MORC1: variants seen among roughly 807,000 people sequenced by gnomAD.
MORC1 encodes the protein MORC family CW-type zinc finger 1, also known as MORC family CW-type zinc finger protein 1.
A neutral mutation model predicts 134.9 loss-of-function variants in MORC1; 59 were observed. The observed-to-expected ratio is 0.44, with a 90% CI of 0.35 to 0.54. The LOEUF is 0.54. MORC1 is among the 20% of genes least tolerant of loss of function. The probability of loss-of-function intolerance (pLI) is 0.00; values close to 1 mark genes in which losing one functional copy is unlikely to be tolerated. For synonymous variants in MORC1, 395 were observed against 391.7 expected (o/e 1.01, Z -0.10); for missense variants, 947 against 1,134.5 (o/e 0.83, Z 2.37).
intron 6 of MORC1, among the ~76,000 whole-genome samples, chr3:109,097,628 A>C (rs1482325426): frequency 6.6e-6 from 1 of 152,216 alleles, no homozygotes; most frequent in Non-Finnish European, 1.5e-5. Flanking sequence ...AGCCCTGAGC[A>C]GACTTCATCA....
intron 2 of MORC1, 143 bp from the exon 3 acceptor site, chr3:109,110,926 TATATC>T: frequency 1.8e-6 from 1 of 554,304 alleles, no homozygotes; most frequent in Non-Finnish European, 3.1e-6. Flanking sequence ...ACCGTGCTAT[TATATC>T]ATAAGACCTA....
At chr3:109,056,888 T>C (rs895068464) in intron 13 of MORC1, among the ~76,000 whole-genome samples, 1 of 152,190 alleles carries the variant, frequency 6.6e-6, no homozygotes, top group Non-Finnish European at 1.5e-5. Flanking sequence ...AAGAATGTAT[T>C]ACGCTAAAAT....
intron 20 of MORC1, among the ~76,000 whole-genome samples, chr3:109,001,127 TTTC>T (rs1948391778): frequency 6.6e-6 from 1 of 152,132 alleles, no homozygotes; most frequent in Non-Finnish European, 1.5e-5. Flanking sequence ...TTAGCTTATC[TTTC>T]TTTTTATTTT....
At chr3:109,040,435 A>AGGAAGGAAG (rs1949498275) in intron 14 of MORC1, among the ~76,000 whole-genome samples, 1 of 35,006 alleles carries the variant, frequency 2.9e-5, no homozygotes, top group Non-Finnish European at 7.6e-5. Flanking sequence ...AAGGAAAGAA[A>AGGAAGGAAG]GAAAGAAAGA....
intron 14 of MORC1, among the ~76,000 whole-genome samples, chr3:109,050,839 G>A (rs1166778040): frequency 6.6e-6 from 1 of 152,142 alleles, no homozygotes; most frequent in Non-Finnish European, 1.5e-5. Context: ...CAGTGAGAGT[G>A]AGCGGATTAA....
intron 21 of MORC1, among the ~76,000 whole-genome samples, chr3:108,996,188 C>G (rs1948201126): frequency 6.6e-6 from 1 of 152,004 alleles, no homozygotes. Context: ...GATGGAAGAA[C>G]AGTACCTGAA....
intron 21 of MORC1, among the ~76,000 whole-genome samples, chr3:108,990,170 T>C (rs886687857): frequency 4.6e-4 from 70 of 152,204 alleles, no homozygotes; most frequent in African/African-American, 1.7e-3. Context: ...GTCTCAGGTA[T>C]TTCTTCATAG....
chr3:109,070,688 T>C lies in MORC1; in HGVS notation c.690-931A>G, dbSNP rs17304533. Among the ~76,000 whole-genome samples, 452 of 150,570 alleles carry C rather than the reference T, an allele frequency of 3.0e-3. 1 individual carries two copies. The highest frequency in any genetic ancestry group is 4.5e-3 in the Non-Finnish European group (306 of 67,692). ...ACAAAGATGATGGGAAAAAAAAAAATGTGAAGCCCGTCTAAAGGGGAACTA... is the reference window on the plus strand; with the variant it reads ...ACAAAGATGATGGGAAAAAAAAAAACGTGAAGCCCGTCTAAAGGGGAACTA... On this transcript the variant is annotated intron_variant, in intron 8 of 27. Transcript: ENST00000232603.
intron 14 of MORC1, among the ~76,000 whole-genome samples, chr3:109,049,376 G>T (rs1376230034): frequency 6.6e-6 from 1 of 152,168 alleles, no homozygotes; most frequent in African/African-American, 2.4e-5. Context: ...AGGAAAACAT[G>T]TCCCAAGGTA....
chr3:108,987,416 G>A (rs1024036646), intron 21 of MORC1, among the ~76,000 whole-genome samples: 1 of 152,146 alleles, frequency 6.6e-6, no homozygotes, highest in Non-Finnish European at 1.5e-5. Flanking sequence ...GCTGGGGCCT[G>A]TAGTCCCAAA....
chr3:109,090,396 T>A (rs1356952211), intron 8 of MORC1, among the ~76,000 whole-genome samples: 1 of 151,918 alleles, frequency 6.6e-6, no homozygotes, highest in Non-Finnish European at 1.5e-5. Flanking sequence ...GGTGGGTGGA[T>A]CACCTGAGGT....
At chr3:109,114,739 G>A (rs570140709) in intron 1 of MORC1, among the ~76,000 whole-genome samples, 7 of 152,312 alleles carry the variant, frequency 4.6e-5, no homozygotes, top group African/African-American at 1.7e-4. Flanking sequence ...TTATAAGCAT[G>A]TTTTCAAGTG....
intron 15 of MORC1, among the ~76,000 whole-genome samples, chr3:109,034,942 T>A (rs1432830970): frequency 2.6e-5 from 4 of 151,912 alleles, no homozygotes; most frequent in Admixed American, 2.0e-4. Context: ...AGGGGTGGGG[T>A]TTTGCCATGT....
chr3:109,079,280 G>C (rs1005348706), intron 8 of MORC1, among the ~76,000 whole-genome samples: 1 of 151,938 alleles, frequency 6.6e-6, no homozygotes, highest in African/African-American at 2.4e-5. Flanking sequence ...GATCTTGTTG[G>C]GTTTATCTGA....
intron 8 of MORC1, among the ~76,000 whole-genome samples, chr3:109,091,308 G>T (rs1355546072): frequency 6.6e-6 from 1 of 151,394 alleles, no homozygotes; most frequent in African/African-American, 2.4e-5. Flanking sequence ...GCCGGGCAGG[G>T]TGGCACATGC....
chr3:109,005,422 A>G (rs1364852777), intron 18 of MORC1, 107 bp from the exon 19 acceptor site: 4 of 1,069,940 alleles, frequency 3.7e-6, no homozygotes, highest in Non-Finnish European at 5.0e-6. Flanking sequence ...TATTACTACT[A>G]AAAAGTTTTT....
intron 17 of MORC1, among the ~76,000 whole-genome samples, chr3:109,017,477 T>C (rs759439980): frequency 2.2e-4 from 34 of 152,192 alleles, no homozygotes; most frequent in Non-Finnish European, 4.3e-4. Flanking sequence ...ATGTAAATAG[T>C]TCCCCTAAAA....
At position 109,009,857 on chromosome 3, in the gene MORC1, G is replaced by A. The variant is rs188403399; in HGVS notation, c.1705-2766C>T. 2.8e-3 allele frequency among the ~76,000 whole-genome samples: 430 copies of A among 152,200 alleles called. 1 individual carries two copies. Among genetic ancestry groups the A allele is most frequent in the African/African-American group, 6.9e-3 (285 of 41,504 alleles). On this transcript the variant is annotated intron_variant, in intron 17 of 27. Coordinates refer to ENST00000232603, the MANE Select transcript of MORC1 (RefSeq NM_014429.4). ...AAGTTTTACCGTTTTCCTGAAAAGT[G>A]TGCCTGATTTATACCTTTAAAAATG...
chr3:108,995,392 G>A (rs1453482944), intron 21 of MORC1, among the ~76,000 whole-genome samples: 1 of 152,178 alleles, frequency 6.6e-6, no homozygotes, highest in Non-Finnish European at 1.5e-5. Flanking sequence ...GCCTGAGACA[G>A]AACACACTTC....
Sources: allele counts gnomAD v4.1 joint callset (sites outside exome capture counted in the v4.1 genomes callset), GRCh38; gene constraint gnomAD v4.1.1; transcripts MANE v1.5; gene names NCBI Gene and HGNC (gene_info 2026-07-23, HGNC 2026-07-21).